The following RORA variants were observed in gnomAD, a reference collection of about 807,000 sequenced individuals.
RORA encodes the protein RAR related orphan receptor A.
A neutral mutation model predicts 69.5 loss-of-function variants in RORA; 7 were observed. That is an observed-to-expected ratio of 0.10 (90% confidence interval 0.06 to 0.19). The LOEUF is 0.19. Among genes scored for constraint, RORA ranks in the 10% least tolerant of loss-of-function variants. The probability of loss-of-function intolerance (pLI) is 1.00; values close to 1 mark genes in which losing one functional copy is unlikely to be tolerated. For missense variants in RORA, 457 were observed against 663.0 expected (o/e 0.69, Z 3.41); for synonymous variants, 261 against 240.8 (o/e 1.08, Z -0.78).
chr15:60,947,418 G>A (rs1892926989), intron 1 of RORA, among the ~76,000 whole-genome samples: 1 of 152,074 alleles, frequency 6.6e-6, no homozygotes, highest in African/African-American at 2.4e-5. Flanking sequence ...TCTGAAACAT[G>A]TGCTGTGTCC....
At chr15:60,632,168 G>A (rs1415787962) in intron 2 of RORA, among the ~76,000 whole-genome samples, 9 of 150,972 alleles carry the variant, frequency 6.0e-5, no homozygotes, top group African/African-American at 1.9e-4. Flanking sequence ...GTGCAGTGGC[G>A]CATCCTGGCT....
At chr15:60,633,890 T>G (rs1567135291) in intron 2 of RORA, among the ~76,000 whole-genome samples, 1 of 152,244 alleles carries the variant, frequency 6.6e-6, no homozygotes, top group Non-Finnish European at 1.5e-5. Context: ...AAATCCTTCT[T>G]TAAATAGGGT....
chr15:60,697,397 A>G (rs1185395313), intron 1 of RORA, among the ~76,000 whole-genome samples: 1 of 152,182 alleles, frequency 6.6e-6, no homozygotes, highest in East Asian at 1.9e-4. Context: ...CGCTCAAGTG[A>G]AGCCTCCCTT....
At chr15:60,510,247 A>G (rs1442274050) in intron 5 of RORA, among the ~76,000 whole-genome samples, 2 of 152,236 alleles carry the variant, frequency 1.3e-5, no homozygotes, top group Non-Finnish European at 2.9e-5. Flanking sequence ...GTGAGGAACC[A>G]CCAGGAGGAG....
intron 1 of RORA, among the ~76,000 whole-genome samples, chr15:60,730,272 G>C (rs1269011379): frequency 1.3e-5 from 2 of 152,182 alleles, no homozygotes; most frequent in Non-Finnish European, 2.9e-5. Context: ...ATGACACTCG[G>C]ATGTGACTGT....
At chr15:61,032,103 T>C (rs971888172) in intron 1 of RORA, among the ~76,000 whole-genome samples, 8 of 152,230 alleles carry the variant, frequency 5.3e-5, no homozygotes, top group African/African-American at 1.9e-4. Flanking sequence ...GCACATGCTC[T>C]ACCCATGAAG....
intron 2 of RORA, among the ~76,000 whole-genome samples, chr15:60,642,450 G>A (rs1049510820): frequency 6.6e-6 from 1 of 152,142 alleles, no homozygotes; most frequent in Non-Finnish European, 1.5e-5. Flanking sequence ...CCTAAGTAAA[G>A]CCCTGCTTAG....
intron 3 of RORA, among the ~76,000 whole-genome samples, chr15:60,527,056 A>G (rs1299684123): frequency 1.3e-5 from 2 of 152,354 alleles, no homozygotes; most frequent in Middle Eastern, 3.4e-3. Context: ...ATCATCTTAA[A>G]TGTATTGATT....
chr15:60,826,765 CCCTCT>C (rs2072966442), intron 1 of RORA, among the ~76,000 whole-genome samples: 59 of 85,634 alleles, frequency 6.9e-4, no homozygotes, highest in South Asian at 2.4e-3. Flanking sequence ...CTCTCTCTCT[CCCTCT>C]CTCTCTCTCT....
At chr15:60,945,712 T>C (rs1892850322) in intron 1 of RORA, among the ~76,000 whole-genome samples, 1 of 152,176 alleles carries the variant, frequency 6.6e-6, no homozygotes, top group East Asian at 1.9e-4. Context: ...GGCACTTTTT[T>C]GGCAAACCCA....
At chr15:60,734,654 T>A (rs2071475537) in intron 1 of RORA, among the ~76,000 whole-genome samples, 1 of 152,146 alleles carries the variant, frequency 6.6e-6, no homozygotes, top group Admixed American at 6.5e-5. Context: ...ACTTCTCTGT[T>A]TTCACACACT....
At chr15:61,182,052 A>G (rs1424618983) in intron 1 of RORA, among the ~76,000 whole-genome samples, 1 of 152,232 alleles carries the variant, frequency 6.6e-6, no homozygotes, top group African/African-American at 2.4e-5. Flanking sequence ...TCTCAATTAC[A>G]GAGACTCCAA....
chr15:60,952,516 T>A (rs1305584647), intron 1 of RORA, among the ~76,000 whole-genome samples: 6 of 151,750 alleles, frequency 4.0e-5, no homozygotes, highest in Admixed American at 3.9e-4. Flanking sequence ...TGTTTGCAGA[T>A]GACATGATTG....
intron 1 of RORA, among the ~76,000 whole-genome samples, chr15:61,219,467 C>T (rs554943016): frequency 2.0e-5 from 3 of 152,046 alleles, no homozygotes; most frequent in Non-Finnish European, 4.4e-5. Context: ...TCCAGCTATT[C>T]GGGAGGCTGA....
intron 1 of RORA, among the ~76,000 whole-genome samples, chr15:61,186,272 T>C (rs1417805415): frequency 6.6e-6 from 1 of 152,170 alleles, no homozygotes; most frequent in Non-Finnish European, 1.5e-5. Flanking sequence ...CATCATCCAG[T>C]ATCAGCCCCA....
intron 1 of RORA, among the ~76,000 whole-genome samples, chr15:61,060,915 A>G (rs772256672): frequency 1.3e-5 from 2 of 152,224 alleles, no homozygotes; most frequent in Non-Finnish European, 2.9e-5. Flanking sequence ...GTTCAAAGCC[A>G]TCCTGGGCAG....
Position 60,537,052 on chromosome 15 carries a change from C to T in RORA, c.197-5201G>A, listed in dbSNP as rs1050788377. Reference sequence around the variant, plus strand: ...TATTTTCAGTAAAATGGCTTGAGTCCTTTATGGATTAGTCACTTTATTTTA... The same window carrying T: ...TATTTTCAGTAAAATGGCTTGAGTCTTTTATGGATTAGTCACTTTATTTTA... On this transcript the variant is annotated intron_variant, in intron 2 of 10. Transcript: ENST00000335670. This position sits in a 1 kb window ranked among gnomAD's most constrained non-coding sequence, Gnocchi z 4.9. Among the ~76,000 whole-genome samples the T allele has an allele frequency of 7.2e-5, 11 of 152,160 alleles. No individual in the cohort carries two copies. The highest frequency in any genetic ancestry group is 2.4e-4 in the African/African-American group (10 of 41,436).
chr15:60,516,099 ATT>A (rs2065909299), intron 3 of RORA, among the ~76,000 whole-genome samples: 1 of 76,730 alleles, frequency 1.3e-5, no homozygotes, highest in African/African-American at 5.2e-5. Context: ...ATTTATATAT[ATT>A]TATATATTAT....
At chr15:61,103,015 T>C (rs939515249) in intron 1 of RORA, among the ~76,000 whole-genome samples, 1 of 152,252 alleles carries the variant, frequency 6.6e-6, no homozygotes, top group African/African-American at 2.4e-5. Context: ...GTGCCTACTA[T>C]ATGCTTGGCA....
Sources: allele counts gnomAD v4.1 joint callset (sites outside exome capture counted in the v4.1 genomes callset), GRCh38; gene constraint gnomAD v4.1.1; non-coding constraint Gnocchi (gnomAD v3.1); transcripts MANE v1.5; gene names NCBI Gene and HGNC (gene_info 2026-07-23, HGNC 2026-07-21).